The following HSPA4 variants were observed in gnomAD, a reference collection of about 807,000 sequenced individuals.
The protein encoded by HSPA4 is heat shock 70 kDa protein 4.
A neutral mutation model predicts 106.2 loss-of-function variants in HSPA4; 25 were observed. That is an observed-to-expected ratio of 0.24 (90% CI 0.17 to 0.33). The LOEUF (loss-of-function observed/expected upper bound fraction) is 0.33, where lower values mean the gene tolerates loss of function less well. Ranked by LOEUF, HSPA4 falls within the 10% of genes least tolerant of loss-of-function variation. The probability of loss-of-function intolerance (pLI) is 1.00; values close to 1 mark genes in which losing one functional copy is unlikely to be tolerated. For synonymous variants in HSPA4, 332 were observed against 333.6 expected, an observed-to-expected ratio of 1.00 and a Z score of 0.05; for missense variants, 841 against 996.0, an observed-to-expected ratio of 0.84 and a Z score of 2.10.
chr5:133,062,649 G>A (rs1474845258), intron 1 of HSPA4, among the ~76,000 whole-genome samples: 2 of 152,162 alleles, frequency 1.3e-5, no homozygotes, highest in African/African-American at 4.8e-5. Context: ...CAGAAAGGCT[G>A]AGCTTGACAC....
Position 133,106,224 on chromosome 5 carries a change from G to T in HSPA4, c.*1788G>T, listed in dbSNP as rs1018939054. Reference sequence around the variant, plus strand: ...AAGTTGAAACACGATGATGTGGTCTGCTTGCTCTCTGCTTAGACAGGCTTT... The same window carrying T: ...AAGTTGAAACACGATGATGTGGTCTTCTTGCTCTCTGCTTAGACAGGCTTT... On this transcript the variant is annotated 3_prime_UTR_variant, in exon 19 of 19. Transcript: ENST00000304858. 1.5e-5 allele frequency: 2 copies of T among 137,914 alleles called. No individual in the cohort carries two copies. Among genetic ancestry groups the T allele is most frequent in the Non-Finnish European group, 3.0e-5 (2 of 65,940 alleles). 8.5% of individuals were successfully genotyped at this position (137,914 alleles called of 1,614,324 possible).
At chr5:133,059,166 G>A (rs897360217) in intron 1 of HSPA4, among the ~76,000 whole-genome samples, 5 of 148,536 alleles carry the variant, frequency 3.4e-5, no homozygotes. Context: ...TAATAAAAGA[G>A]GCTGGGTGTG....
At position 133,052,240 on chromosome 5, in the gene HSPA4, T is replaced by C. The variant is rs374542551; in HGVS notation, c.-11T>C. On this transcript the variant is annotated 5_prime_UTR_variant, in exon 1 of 19. Coordinates refer to ENST00000304858, the MANE Select transcript of HSPA4 (RefSeq NM_002154.4). ...CGGACCCGGGCCCGAGCCCGAGCAG[T>C]AGCCGGCGCCATGTCGGTGGTGGGC... is the stretch of plus-strand genomic sequence containing the variant. 8 of 1,570,738 alleles carry C rather than the reference T, an allele frequency of 5.1e-6. No individual in the cohort carries two copies. Among genetic ancestry groups the C allele is most frequent in the Non-Finnish European group, 6.9e-6 (8 of 1,161,112 alleles).
At chr5:133,071,336 C>G (rs1490616423) in intron 4 of HSPA4, among the ~76,000 whole-genome samples, 1 of 151,058 alleles carries the variant, frequency 6.6e-6, no homozygotes, top group Non-Finnish European at 1.5e-5. Flanking sequence ...TGGCACACAC[C>G]TGTAGTCCCA....
chr5:133,086,003 T>C (rs1394132477), intron 7 of HSPA4, among the ~76,000 whole-genome samples: 2 of 152,214 alleles, frequency 1.3e-5, no homozygotes, highest in African/African-American at 2.4e-5. Flanking sequence ...ATTCTTGTTA[T>C]GTTCATTTCT....
intron 16 of HSPA4, among the ~76,000 whole-genome samples, chr5:133,099,880 C>T (rs4367292): frequency 0.36 from 55,332 of 151,898 alleles, 12,142 homozygotes; most frequent in African/African-American, 0.62. Flanking sequence ...TTTCACTGAA[C>T]TGGATGTTTA....
At position 133,104,468 on chromosome 5, in the gene HSPA4, T is replaced by G; in HGVS notation, c.*32T>G. 1.3e-6 allele frequency: 2 copies of G among 1,572,590 alleles called. No individual in the cohort carries two copies. The highest frequency in any genetic ancestry group is 1.7e-6 in the Non-Finnish European group (2 of 1,145,022). Reference sequence around the variant, plus strand: ...CACTTGTTTCTATTAAAACAGACTATTATAAAGCTTTAAGTTGTCAACTTT... The same window carrying G: ...CACTTGTTTCTATTAAAACAGACTAGTATAAAGCTTTAAGTTGTCAACTTT... On this transcript the variant is annotated 3_prime_UTR_variant, in exon 19 of 19. Coordinates refer to ENST00000304858, the MANE Select transcript of HSPA4 (RefSeq NM_002154.4).
In HSPA4 at chr5:133,070,324, A is replaced by G. The variant is rs111258364; in HGVS notation, c.307-50A>G. The G allele has an allele frequency of 1.7e-5, 26 of 1,568,314 alleles. No homozygotes were observed. The Middle Eastern group carries it at 1.5e-3, about 92-fold the overall frequency. ...TCATTTTAGCTTTTAGGACTAGGAC[A>G]TGAAGAAAGAAATATAATAAGTCTA... On this transcript the variant is annotated intron_variant, in intron 3 of 18. Transcript: ENST00000304858.
At chr5:133,061,742 C>G (rs1290661538) in intron 1 of HSPA4, among the ~76,000 whole-genome samples, 1 of 152,118 alleles carries the variant, frequency 6.6e-6, no homozygotes, top group Non-Finnish European at 1.5e-5. Flanking sequence ...GCCTCAGCCT[C>G]CCGAGTAGCT....
chr5:133,095,576 A>G (rs1220876168), intron 13 of HSPA4, among the ~76,000 whole-genome samples: 2 of 152,208 alleles, frequency 1.3e-5, no homozygotes, highest in African/African-American at 2.4e-5. Context: ...TCAAATTACC[A>G]ATATGTTACT....
chr5:133,059,759 A>G (rs1765215074), intron 1 of HSPA4, among the ~76,000 whole-genome samples: 1 of 152,020 alleles, frequency 6.6e-6, no homozygotes, highest in African/African-American at 2.4e-5. Context: ...CCCATTTCTC[A>G]GAGAATATAG....
At chr5:133,089,534 TG>T in intron 10 of HSPA4, 27 bp from the exon 11 acceptor site, 1 of 1,607,712 alleles carries the variant, frequency 6.2e-7, no homozygotes. Context: ...ATCCTGAATT[TG>T]TGTTTTTGTC....
At chr5:133,065,485 C>T (rs1392271815) in intron 2 of HSPA4, among the ~76,000 whole-genome samples, 4 of 152,126 alleles carry the variant, frequency 2.6e-5, no homozygotes, top group African/African-American at 9.7e-5. Context: ...GAATCAGTCC[C>T]CTGCAGATAC....
intron 7 of HSPA4, among the ~76,000 whole-genome samples, chr5:133,084,321 GAT>G (rs1312080795): frequency 5.9e-5 from 9 of 152,154 alleles, no homozygotes; most frequent in African/African-American, 2.2e-4. Context: ...TGTTGTTATT[GAT>G]GGACAGTGAC....
chr5:133,088,488 T>C lies in HSPA4; in HGVS notation c.1070T>C (p.Phe357Ser). ...IPAVKEKISKFFGKELSTTLN... is the reference protein window; with the variant it reads ...IPAVKEKISKSFGKELSTTLN... Reference sequence around the variant, plus strand: ...GCGGTAAAAGAGAAGATCAGCAAATTTTTCGGTAAAGAACTTAGTACAACA... The same window carrying C: ...GCGGTAAAAGAGAAGATCAGCAAATCTTTCGGTAAAGAACTTAGTACAACA... The change falls in exon 9 of 19, where the codon TTT becomes TCT. Residue 357 changes from phenylalanine to serine, a missense_variant. Phe to Ser is a radical substitution (Grantham distance 155). Around this residue, in one of 5 missense-constraint regions of HSPA4, gnomAD observed 162 missense variants for 177.7 expected, o/e 0.91. Coordinates refer to ENST00000304858, the MANE Select transcript of HSPA4 (RefSeq NM_002154.4). The C allele has an allele frequency of 6.2e-7, 1 of 1,613,824 alleles. No individual in the cohort carries two copies. Among genetic ancestry groups the C allele is most frequent in the Non-Finnish European group, 8.5e-7 (1 of 1,179,766 alleles).
chr5:133,055,135 C>A (rs1315911319), intron 1 of HSPA4, among the ~76,000 whole-genome samples: 2 of 152,030 alleles, frequency 1.3e-5, no homozygotes, highest in Non-Finnish European at 2.9e-5. Context: ...TAAGAAAATT[C>A]CATTTAAATA....
At position 133,092,806 on chromosome 5, in the gene HSPA4, G is replaced by GTTTT. The variant is rs57230598; in HGVS notation, c.1650+46_1650+49dup. The GTTTT allele has an allele frequency of 7.1e-4, 336 of 473,742 alleles. 8 individuals are homozygous for GTTTT. The highest frequency in any genetic ancestry group is 5.0e-3 in the African/African-American group (141 of 28,124). 29.3% of individuals were successfully genotyped at this position (473,742 alleles called of 1,614,324 possible). On this transcript the variant is annotated intron_variant, in intron 13 of 18. Transcript: ENST00000304858. ...GAAATGGAGGTATGCATTGGGTGGT[G>GTTTT]TTTTTTTTTTTTTTTTTTTTTTTTT...
chr5:133,101,780 A>G lies in HSPA4; in HGVS notation c.2059A>G (p.Ile687Val), dbSNP rs200858773. ...ELKNLGQPIK[I>V]RFQESEERPK... ...TAAGAATCTAGGTCAACCTATTAAG[A>G]TACGTTTCCAGGAATCTGAAGAACG... is the stretch of plus-strand genomic sequence containing the variant. Residue 687 changes from isoleucine (I) to valine (V), a missense_variant, in exon 17 of 19, where the codon ATA becomes GTA. By Grantham distance (29) the Ile-to-Val change is conservative. Coordinates refer to ENST00000304858, the MANE Select transcript of HSPA4 (RefSeq NM_002154.4). 556 of 1,611,852 alleles carry G rather than the reference A, an allele frequency of 3.4e-4. 1 individual carries two copies. Among genetic ancestry groups the G allele is most frequent in the Middle Eastern group, 9.9e-4 (6 of 6,048 alleles).
At chr5:133,058,496 G>A (rs1480351019) in intron 1 of HSPA4, among the ~76,000 whole-genome samples, 3 of 152,020 alleles carry the variant, frequency 2.0e-5, no homozygotes, top group Admixed American at 6.6e-5. Flanking sequence ...TGGCCAACCC[G>A]GTGAAACCTT....
Sources: gnomAD v4.1 joint callset for allele counts (sites outside exome capture counted in the v4.1 genomes callset) on GRCh38, gnomAD v4.1.1 for gene constraint, gnomAD v4.1.1 regional missense constraint, MANE v1.5 for transcripts, NCBI Gene and HGNC (gene_info 2026-07-23, HGNC 2026-07-21) for gene names.